Variants in SAMD13 observed in about 807,000 individuals in gnomAD.
SAMD13 encodes the protein sterile alpha motif domain containing 13.
A neutral mutation model predicts 12.4 loss-of-function variants in SAMD13; 9 were observed. The observed-to-expected ratio is 0.72, with a 90% CI of 0.44 to 1.26. SAMD13 has a LOEUF of 1.26. Among genes scored for constraint, SAMD13 ranks in the 50% most tolerant of loss-of-function variants. SAMD13 has a pLI of 0.00. For missense variants in SAMD13, 84 were observed against 119.6 expected (o/e 0.70, Z 1.39); for synonymous variants, 46 against 45.4 (o/e 1.01, Z -0.05).
intron 3 of SAMD13, among the ~76,000 whole-genome samples, chr1:84,339,994 A>C (rs1384805729): frequency 6.6e-6 from 1 of 152,220 alleles, no homozygotes; most frequent in Non-Finnish European, 1.5e-5. Flanking sequence ...TGCTGGTAGA[A>C]CTATAAAATG....
intron 2 of SAMD13, among the ~76,000 whole-genome samples, chr1:84,321,830 G>T (rs1200204601): frequency 2.0e-5 from 3 of 152,134 alleles, no homozygotes; most frequent in Non-Finnish European, 4.4e-5. Flanking sequence ...GCTTACGCTT[G>T]TTATGTTATT....
chr1:84,298,653 A>T, upstream of SAMD13: 1 of 1,189,246 alleles, frequency 8.4e-7, no homozygotes, highest in Non-Finnish European at 1.1e-6. Context: ...AGAATGCCGC[A>T]ATGAAAACCG....
At position 84,314,758 on chromosome 1, in the gene SAMD13, A is replaced by T. The variant is rs1678792824; in HGVS notation, c.54-10879A>T. Among the ~76,000 whole-genome samples, 3 of 152,302 alleles carry T rather than the reference A, an allele frequency of 2.0e-5. No individual in the cohort carries two copies. In the South Asian group the frequency reaches 6.2e-4, roughly 32 times the overall value. Reference sequence around the variant, plus strand: ...GCCAGGGAAACTATTAGCTCCCAAGACATTGTAAGTGGCTAATTATTAAAT... The same window carrying T: ...GCCAGGGAAACTATTAGCTCCCAAGTCATTGTAAGTGGCTAATTATTAAAT... On this transcript the variant is annotated intron_variant, in intron 2 of 3. Coordinates refer to ENST00000394834, the MANE Select transcript of SAMD13 (RefSeq NM_001134663.2).
At chr1:84,342,158 C>T (rs1679441007) in intron 3 of SAMD13, among the ~76,000 whole-genome samples, 2 of 152,174 alleles carry the variant, frequency 1.3e-5, no homozygotes, top group Admixed American at 1.3e-4. Context: ...AGCTTAGTCA[C>T]ATGGCCACAC....
Position 84,349,795 on chromosome 1 carries a change from C to T in SAMD13, c.*21C>T, listed in dbSNP as rs367674642. The T allele has an allele frequency of 2.0e-5, 31 of 1,585,892 alleles. No homozygotes were observed. The highest frequency in any genetic ancestry group is 1.7e-4 in the Middle Eastern group (1 of 5,930). ...CATAGTACAGTCAAATTGGGGTCTT[C>T]GACCTCAAAAAATACATAATGACAT... On this transcript the variant is annotated 3_prime_UTR_variant, in exon 4 of 4. Coordinates refer to ENST00000394834, the MANE Select transcript of SAMD13 (RefSeq NM_001134663.2).
At chr1:84,332,236 T>TTGGGTG (rs1477802191) in intron 3 of SAMD13, among the ~76,000 whole-genome samples, 1 of 152,204 alleles carries the variant, frequency 6.6e-6, no homozygotes, top group Non-Finnish European at 1.5e-5. Flanking sequence ...TTACATTCTT[T>TTGGGTG]TGGGAATATA....
chr1:84,329,026 C>T lies in SAMD13; in HGVS notation c.165+3278C>T, dbSNP rs191013047. ...TGAATGTTTATGTGCCCCCAAAACT[C>T]TTATGTTGAAAACCTAACCCACAGT... On this transcript the variant is annotated intron_variant, in intron 3 of 3. Transcript: ENST00000394834. Among the ~76,000 whole-genome samples, 1,045 of 152,116 alleles carry T rather than the reference C, an allele frequency of 6.9e-3. 6 individuals carry two copies. Among genetic ancestry groups the T allele is most frequent in the Non-Finnish European group, 7.5e-3 (513 of 67,974 alleles).
intron 3 of SAMD13, among the ~76,000 whole-genome samples, chr1:84,334,485 C>T (rs1208019912): frequency 6.6e-6 from 1 of 151,806 alleles, no homozygotes; most frequent in Non-Finnish European, 1.5e-5. Flanking sequence ...CTATATATGT[C>T]ATTTATTCTT....
intron 3 of SAMD13, among the ~76,000 whole-genome samples, chr1:84,337,412 C>T (rs945975549): frequency 1.3e-5 from 2 of 152,178 alleles, no homozygotes; most frequent in African/African-American, 4.8e-5. Flanking sequence ...TCTCTGCACT[C>T]GCAGGTTCAA....
chr1:84,327,579 TG>T (rs10718271), intron 3 of SAMD13, among the ~76,000 whole-genome samples: 6,397 of 152,146 alleles, frequency 0.042, 166 homozygotes, highest in South Asian at 0.071. Context: ...GATTCAGGTT[TG>T]TGCATTACAG....
At chr1:84,326,883 A>G (rs188282432) in intron 3 of SAMD13, among the ~76,000 whole-genome samples, 303 of 152,286 alleles carry the variant, frequency 2.0e-3, no homozygotes, top group African/African-American at 6.8e-3. Flanking sequence ...ATCTTTGTAC[A>G]TAAGTATTTT....
intron 3 of SAMD13, among the ~76,000 whole-genome samples, chr1:84,330,898 A>G (rs1376271528): frequency 6.6e-6 from 1 of 152,194 alleles, no homozygotes; most frequent in Non-Finnish European, 1.5e-5. Context: ...TGACAAAATA[A>G]TATGCAACTC....
chr1:84,304,740 A>G (rs1410562984), intron 2 of SAMD13, among the ~76,000 whole-genome samples: 1 of 152,014 alleles, frequency 6.6e-6, no homozygotes, highest in African/African-American at 2.4e-5. Context: ...CTAGAATTTT[A>G]TATAAATGAA....
upstream of SAMD13, among the ~76,000 whole-genome samples, chr1:84,300,572 GTGTTC>G (rs1678434662): frequency 6.6e-6 from 1 of 152,228 alleles, no homozygotes; most frequent in South Asian, 2.1e-4. Context: ...TGGGGAACCT[GTGTTC>G]TGTGCCCTGT....
At chr1:84,305,617 A>G (rs1213944821) in intron 2 of SAMD13, among the ~76,000 whole-genome samples, 1 of 152,132 alleles carries the variant, frequency 6.6e-6, no homozygotes, top group Admixed American at 6.6e-5. Flanking sequence ...TTTCTTTTAG[A>G]AGTTTCACAA....
rs1287529544 is a variant in SAMD13 at position 84,350,189 on chromosome 1, A to G, written c.*415A>G. On this transcript the variant is annotated 3_prime_UTR_variant, in exon 4 of 4. Transcript: ENST00000394834. ...AAATTTGGGGAGGGGGAGAAAGAAG[A>G]AAGGGATTGCTGTCTCCCTTGAATT... 6.5e-6 allele frequency: 1 copy of G among 154,378 alleles called. No homozygotes were observed. The highest frequency in any genetic ancestry group is 1.4e-5 in the Non-Finnish European group (1 of 69,552). The allele number at this position is 154,378 out of a possible 1,614,324, so 9.6% of individuals were successfully genotyped here.
chr1:84,303,517 A>T lies in SAMD13; in HGVS notation c.53+230A>T, dbSNP rs1239071313. 1.3e-5 allele frequency: 5 copies of T among 377,402 alleles called. No homozygotes were observed. The Admixed American group carries it at 1.5e-4, about 11-fold the overall frequency. The allele number at this position is 377,402 out of a possible 1,614,324, so 23.4% of individuals were successfully genotyped here. The stretch of plus-strand genomic sequence containing the variant: ...CAAAATATATATGAAAGGTTTGTGT[A>T]TCAGGCTTTGGAACAAGGATGGTTG... On this transcript the variant is annotated intron_variant, in intron 2 of 3. Coordinates refer to ENST00000394834, the MANE Select transcript of SAMD13 (RefSeq NM_001134663.2).
intron 3 of SAMD13, among the ~76,000 whole-genome samples, chr1:84,335,820 A>T (rs1454749305): frequency 1.3e-5 from 2 of 152,184 alleles, no homozygotes; most frequent in African/African-American, 4.8e-5. Flanking sequence ...GTTTGGCTGG[A>T]TATGAAATTC....
chr1:84,309,982 T>C (rs1160626019), intron 2 of SAMD13, among the ~76,000 whole-genome samples: 2 of 152,176 alleles, frequency 1.3e-5, no homozygotes, highest in East Asian at 1.9e-4. Flanking sequence ...AAGGGTTTGG[T>C]ATTTTTTCTA....
Sources: gnomAD v4.1 joint callset for allele counts (sites outside exome capture counted in the v4.1 genomes callset) on GRCh38, gnomAD v4.1.1 for gene constraint, MANE v1.5 for transcripts, NCBI Gene and HGNC (gene_info 2026-07-23, HGNC 2026-07-21) for gene names.